TPPP2: variants seen among roughly 807,000 people sequenced by gnomAD.
TPPP2 encodes tubulin polymerization-promoting protein family member 2.
In TPPP2, 8 loss-of-function variants were observed where a neutral mutation model predicts 13.0. That is an observed-to-expected ratio of 0.62 (90% CI 0.36 to 1.11). The LOEUF is 1.11. TPPP2 is among the 50% of genes most tolerant of loss of function. The pLI is 0.02. For missense variants in TPPP2, 213 were observed against 216.9 expected, an observed-to-expected ratio of 0.98 and a Z score of 0.11; for synonymous variants, 81 against 81.8, an observed-to-expected ratio of 0.99 and a Z score of 0.05.
upstream of TPPP2, chr14:21,028,535 G>T (rs1883852578): frequency 6.6e-6 from 1 of 152,208 alleles, no homozygotes; most frequent in Non-Finnish European, 1.5e-5. Flanking sequence ...TTGATGAGAG[G>T]TGGGTGATGT....
chr14:21,035,000 A>G (rs1884524438), downstream of TPPP2, among the ~76,000 whole-genome samples: 1 of 152,220 alleles, frequency 6.6e-6, no homozygotes, highest in South Asian at 2.1e-4. Context: ...CAAGGTGAGT[A>G]GGAAAGCACT....
Position 21,030,995 on chromosome 14 carries a change from T to C in TPPP2, c.174-17T>C. 1 of 1,588,248 alleles carries C rather than the reference T, an allele frequency of 6.3e-7. No homozygotes were observed. Among genetic ancestry groups the C allele is most frequent in the South Asian group, 1.1e-5 (1 of 87,126 alleles). On this transcript the variant is annotated splice_polypyrimidine_tract_variant and intron_variant, in intron 2 of 3. Coordinates refer to ENST00000321760, the MANE Select transcript of TPPP2 (RefSeq NM_173846.5). ...ATTCATGCTCCAAAGTTTCTGGATT[T>C]CTGTCTAACTGACCAGGGCCAAGAA...
At chr14:21,033,247 A>T, downstream of TPPP2, 1 of 316,670 alleles carries the variant, frequency 3.2e-6, no homozygotes, top group Non-Finnish European at 6.1e-6. Flanking sequence ...TGAAGGGAGA[A>T]ACCATGATTT....
Position 21,025,025 on chromosome 14 carries a change from C to T in TPPP2, n.236+681C>T, listed in dbSNP as rs1166681936. The T allele has an allele frequency of 2.0e-6, 2 of 986,052 alleles. No homozygotes were observed. Among genetic ancestry groups the T allele is most frequent in the Non-Finnish European group, 2.4e-6 (2 of 830,532 alleles). 61.1% of individuals were successfully genotyped at this position (986,052 alleles called of 1,614,324 possible). A position where few individuals can be genotyped will look rare whatever the true frequency, so the allele number is the denominator to read the frequency against. ...TACGGCCCCTCGCCTGCCCCTCCCCCTACCTGCTGCCGCCGCGGCCGCTTC... is the reference window on the plus strand; with the variant it reads ...TACGGCCCCTCGCCTGCCCCTCCCCTTACCTGCTGCCGCCGCGGCCGCTTC... On this transcript the variant is annotated intron_variant and non_coding_transcript_variant, in intron 1 of 1. Transcript: ENST00000533755. The surrounding 1 kb of genome is among the most constrained non-coding windows in gnomAD (Gnocchi z 5.1).
chr14:21,027,341 T>C (rs1320586294), upstream of TPPP2, among the ~76,000 whole-genome samples: 1 of 152,224 alleles, frequency 6.6e-6, no homozygotes, highest in Non-Finnish European at 1.5e-5. Flanking sequence ...GTTTTAAGTA[T>C]CTGTTATGTG....
upstream of TPPP2, among the ~76,000 whole-genome samples, chr14:21,028,785 A>G (rs1883867042): frequency 1.3e-5 from 2 of 152,214 alleles, no homozygotes; most frequent in African/African-American, 4.8e-5. Context: ...CAGAGTAGTC[A>G]TCCAACTATG....
upstream of TPPP2, chr14:21,028,361 C>T (rs1355163647): frequency 6.6e-6 from 1 of 152,120 alleles, no homozygotes; most frequent in African/African-American, 2.4e-5. Flanking sequence ...AAGCAATCCT[C>T]CCACTTCAGC....
chr14:21,032,283 T>C lies in TPPP2; in HGVS notation c.*206T>C. ...ACACCCTTCGCTCTGCTTAGCCTTA[T>C]GCCTACCAGCCATCAGTTAGCATTC... On this transcript the variant is annotated 3_prime_UTR_variant, in exon 4 of 4. Coordinates refer to ENST00000321760, the MANE Select transcript of TPPP2 (RefSeq NM_173846.5). The C allele has an allele frequency of 4.5e-6, 3 of 666,798 alleles. No homozygotes were observed. The highest frequency in any genetic ancestry group is 8.3e-6 in the Non-Finnish European group (3 of 362,732). 41.3% of individuals were successfully genotyped at this position (666,798 alleles called of 1,614,324 possible).
At chr14:21,034,267 G>A, downstream of TPPP2, 1 of 1,612,918 alleles carries the variant, frequency 6.2e-7, no homozygotes, top group Non-Finnish European at 8.5e-7. Flanking sequence ...AGGAAAAGGA[G>A]CCGGGTCACA....
chr14:21,031,068 T>A lies in TPPP2; in HGVS notation c.230T>A (p.Leu77Gln), dbSNP rs1186528751. 1 of 1,614,124 alleles carries A rather than the reference T, an allele frequency of 6.2e-7. No individual in the cohort carries two copies. Among genetic ancestry groups the A allele is most frequent in the Non-Finnish European group, 8.5e-7 (1 of 1,180,018 alleles). ...CAGTTCAAAGAGGCAGTGAAGGAAC[T>A]GGGCCAGAAGCGCTTCAAAGGGAAG... ...FQQFKEAVKE[L>Q]GQKRFKGKSP... Residue 77 changes from leucine (L) to glutamine (Q), a missense_variant, in exon 3 of 4, where the codon CTG (leucine) becomes CAG (glutamine). Coordinates refer to ENST00000321760, the MANE Select transcript of TPPP2 (RefSeq NM_173846.5).
chr14:21,025,542 G>T, upstream of TPPP2: 1 of 985,484 alleles, frequency 1.0e-6, no homozygotes, highest in Non-Finnish European at 1.2e-6. The surrounding 1 kb of genome is among the most constrained non-coding windows in gnomAD (Gnocchi z 5.1). Flanking sequence ...GAAAGGAGGA[G>T]GTGGGCGGGA....
downstream of TPPP2, chr14:21,034,337 A>T: frequency 7.1e-7 from 1 of 1,403,188 alleles, no homozygotes; most frequent in Non-Finnish European, 9.9e-7. Context: ...GTGGGCCTGA[A>T]GTGGCTGTCT....
Position 21,025,003 on chromosome 14 carries a change from G to A in TPPP2, n.236+659G>A. On this transcript the variant is annotated intron_variant and non_coding_transcript_variant, in intron 1 of 1. Transcript: ENST00000533755. The surrounding 1 kb of genome is among the most constrained non-coding windows in gnomAD (Gnocchi z 5.1). ...CCGGCTGGCGCCTTCCAGGCCCTAC[G>A]GCCCCTCGCCTGCCCCTCCCCCTAC... 1 of 985,832 alleles carries A rather than the reference G, an allele frequency of 1.0e-6. No individual in the cohort carries two copies. The highest frequency in any genetic ancestry group is 1.2e-6 in the Non-Finnish European group (1 of 830,370). 61.1% of individuals were successfully genotyped at this position (985,832 alleles called of 1,614,324 possible).
At chr14:21,027,711 A>AC (rs1883791781), upstream of TPPP2, among the ~76,000 whole-genome samples, 1 of 152,226 alleles carries the variant, frequency 6.6e-6, no homozygotes, top group Admixed American at 6.5e-5. Flanking sequence ...CTTTATACAT[A>AC]CAGATTCTAG....
downstream of TPPP2, chr14:21,033,711 C>T (rs765264357): frequency 3.6e-6 from 3 of 825,976 alleles, no homozygotes; most frequent in Non-Finnish European, 6.3e-6. Context: ...TGGGAGGGGA[C>T]CCTGCCTGCC....
At chr14:21,034,070 A>C, downstream of TPPP2, 1 of 1,614,194 alleles carries the variant, frequency 6.2e-7, no homozygotes, top group Non-Finnish European at 8.5e-7. Flanking sequence ...CATGTATCAC[A>C]TAATGGATCT....
chr14:21,031,995 C>A lies in TPPP2; in HGVS notation c.431C>A (p.Ala144Glu), dbSNP rs979234395. ...FDESGKGKGI[A>E]GREEMTDNTG... ...GAGAGTGGCAAGGGCAAGGGCATTGCGGGACGGGAAGAGATGACTGACAAC... is the reference window on the plus strand; with the variant it reads ...GAGAGTGGCAAGGGCAAGGGCATTGAGGGACGGGAAGAGATGACTGACAAC... Residue 144 changes from alanine (A) to glutamate (E), a missense_variant, in exon 4 of 4, where the codon GCG becomes GAG. By Grantham distance (107) the Ala-to-Glu change is moderately radical. Transcript: ENST00000321760. 2.5e-6 allele frequency: 4 copies of A among 1,614,090 alleles called. No individual in the cohort carries two copies. In the South Asian group the frequency reaches 3.3e-5, roughly 13 times the overall value.
chr14:21,032,101 T>C lies in TPPP2; in HGVS notation c.*24T>C. The C allele has an allele frequency of 6.2e-7, 1 of 1,606,834 alleles. No individual in the cohort carries two copies. The highest frequency in any genetic ancestry group is 8.5e-7 in the Non-Finnish European group (1 of 1,174,184). On this transcript the variant is annotated 3_prime_UTR_variant, in exon 4 of 4. Coordinates refer to ENST00000321760, the MANE Select transcript of TPPP2 (RefSeq NM_173846.5). Reference sequence around the variant, plus strand: ...AGAGAGGAGCTTCATCTCAGCCTGCTAGCCCCCTGACCCTGCATGTTTAAC... The same window carrying C: ...AGAGAGGAGCTTCATCTCAGCCTGCCAGCCCCCTGACCCTGCATGTTTAAC...
rs1465644627 is a variant in TPPP2, at chr14:21,025,164, A to G, written n.236+820A>G. The G allele has an allele frequency of 1.1e-6, 1 of 933,838 alleles. No homozygotes were observed. The highest frequency in any genetic ancestry group is 1.3e-6 in the Non-Finnish European group (1 of 783,594). 57.8% of individuals were successfully genotyped at this position (933,838 alleles called of 1,614,324 possible). A position where few individuals can be genotyped will look rare whatever the true frequency, so the allele number is the denominator to read the frequency against. ...TAGGCTCCCCGCAGACCCGCCCCAGACCCCCAGTAAACACGCCCCCCCTTT... is the reference window on the plus strand; with the variant it reads ...TAGGCTCCCCGCAGACCCGCCCCAGGCCCCCAGTAAACACGCCCCCCCTTT... On this transcript the variant is annotated intron_variant and non_coding_transcript_variant, in intron 1 of 1. Transcript: ENST00000533755. This position sits in a 1 kb window ranked among gnomAD's most constrained non-coding sequence, Gnocchi z 5.1.
Sources: gnomAD v4.1 joint callset for allele counts (sites outside exome capture counted in the v4.1 genomes callset) on GRCh38, gnomAD v4.1.1 for gene constraint, Gnocchi (gnomAD v3.1) non-coding constraint, MANE v1.5 for transcripts, NCBI Gene and HGNC (gene_info 2026-07-23, HGNC 2026-07-21) for gene names.